The following ERC1 variants were observed in gnomAD, a reference collection of about 807,000 sequenced individuals.
The protein encoded by ERC1 is ELKS/RAB6-interacting/CAST family member 1, also known as RAB6 interacting protein 2.
ERC1 carries 56 observed loss-of-function variants against 132.0 expected under a neutral mutation model. The observed-to-expected ratio is 0.42, with a 90% CI of 0.34 to 0.53. The LOEUF is 0.53. ERC1 is among the 20% of genes least tolerant of loss of function. ERC1 has a pLI of 0.03. For missense variants in ERC1, 1,202 were observed against 1,349.9 expected (o/e 0.89, Z 1.72); for synonymous variants, 478 against 476.1 (o/e 1.00, Z -0.05).
chr12:1,466,994 A>C (rs2093755999), intron 18 of ERC1, among the ~76,000 whole-genome samples: 2 of 152,220 alleles, frequency 1.3e-5, no homozygotes, highest in South Asian at 4.1e-4. Context: ...CTTTAATTTT[A>C]ACACTAAAGA....
chr12:1,414,276 C>T (rs1404232246), intron 17 of ERC1, among the ~76,000 whole-genome samples: 3 of 152,170 alleles, frequency 2.0e-5, no homozygotes, highest in African/African-American at 4.8e-5. Context: ...AGGATCCCAG[C>T]GTGGTCAGAT....
intron 13 of ERC1, among the ~76,000 whole-genome samples, chr12:1,246,892 C>T (rs1471658163): frequency 6.6e-6 from 1 of 152,168 alleles, no homozygotes; most frequent in Non-Finnish European, 1.5e-5. Flanking sequence ...AAAGACTGAG[C>T]AGTTACAGAT....
chr12:994,975 A>C (rs1013125296), intron 1 of ERC1, among the ~76,000 whole-genome samples: 4 of 152,106 alleles, frequency 2.6e-5, no homozygotes, highest in African/African-American at 9.7e-5. Flanking sequence ...GCGTGCCTGG[A>C]ATCCTGGCTA....
intron 2 of ERC1, among the ~76,000 whole-genome samples, chr12:1,074,938 CT>C (rs1244577979): frequency 1.3e-5 from 2 of 151,672 alleles, no homozygotes; most frequent in Non-Finnish European, 2.9e-5. Context: ...TAGTGCGGGT[CT>C]TTTTTGCATT....
intron 17 of ERC1, among the ~76,000 whole-genome samples, chr12:1,429,579 C>G (rs1407629916): frequency 6.6e-6 from 1 of 152,172 alleles, no homozygotes; most frequent in Non-Finnish European, 1.5e-5. Flanking sequence ...ATGTGCCTAA[C>G]ACTGCATTAG....
At chr12:1,094,906 G>A (rs555690476) in intron 3 of ERC1, among the ~76,000 whole-genome samples, 1 of 151,954 alleles carries the variant, frequency 6.6e-6, no homozygotes. Flanking sequence ...TTCTGTCTCC[G>A]CTGTGTTGTC....
chr12:1,476,649 G>C (rs1487084482), intron 18 of ERC1, among the ~76,000 whole-genome samples: 8 of 152,168 alleles, frequency 5.3e-5, no homozygotes, highest in African/African-American at 1.9e-4. Flanking sequence ...TGTTCAGAGA[G>C]TGGGAAAATG....
intron 7 of ERC1, among the ~76,000 whole-genome samples, chr12:1,130,669 C>G (rs1258785707): frequency 6.7e-6 from 1 of 148,212 alleles, no homozygotes. Flanking sequence ...TGGAATGACT[C>G]ATTTCTACCT....
intron 12 of ERC1, among the ~76,000 whole-genome samples, chr12:1,229,741 T>C (rs2074879131): frequency 2.6e-5 from 4 of 152,142 alleles, no homozygotes; most frequent in Admixed American, 2.6e-4. Flanking sequence ...TGATTATCTT[T>C]TGACAAACAA....
intron 15 of ERC1, among the ~76,000 whole-genome samples, chr12:1,366,797 A>T (rs2086701482): frequency 1.3e-5 from 2 of 152,172 alleles, no homozygotes; most frequent in African/African-American, 4.8e-5. Context: ...GGATCCAGGA[A>T]TATGATGGCT....
At chr12:1,028,662 C>A in intron 2 of ERC1, 90 bp downstream of exon 2, 1 of 1,028,052 alleles carries the variant, frequency 9.7e-7, no homozygotes, top group South Asian at 1.7e-5. Flanking sequence ...TTTTTCCCTT[C>A]GTAGTATATG....
intron 2 of ERC1, among the ~76,000 whole-genome samples, chr12:1,074,323 T>C (rs1264060614): frequency 6.6e-6 from 1 of 151,972 alleles, no homozygotes. Flanking sequence ...TTCTTTTTTT[T>C]CCGAGACAGA....
intron 15 of ERC1, among the ~76,000 whole-genome samples, chr12:1,362,416 G>A (rs922942593): frequency 5.9e-5 from 9 of 151,846 alleles, no homozygotes; most frequent in Admixed American, 1.3e-4. Context: ...GATAAGAACC[G>A]TTGATCTTCA....
intron 15 of ERC1, among the ~76,000 whole-genome samples, chr12:1,366,203 G>T (rs2086649932): frequency 6.6e-6 from 1 of 152,100 alleles, no homozygotes. Flanking sequence ...TTTTATGTGT[G>T]TTTTATCACA....
At chr12:1,234,870 T>G (rs1408736046) in intron 12 of ERC1, among the ~76,000 whole-genome samples, 3 of 152,180 alleles carry the variant, frequency 2.0e-5, no homozygotes, top group Non-Finnish European at 4.4e-5. Context: ...TATTATTATG[T>G]TATACCAAAC....
At chr12:1,138,964 C>T (rs1051879584) in intron 7 of ERC1, among the ~76,000 whole-genome samples, 3 of 152,132 alleles carry the variant, frequency 2.0e-5, no homozygotes, top group Admixed American at 2.0e-4. Context: ...GCCCAGTTTC[C>T]CACATTGCCG....
intron 15 of ERC1, among the ~76,000 whole-genome samples, chr12:1,297,046 A>G (rs1163773576): frequency 6.6e-6 from 1 of 152,134 alleles, no homozygotes; most frequent in Admixed American, 6.5e-5. Context: ...ACAACTAGAA[A>G]TACCATAGTC....
intron 15 of ERC1, among the ~76,000 whole-genome samples, chr12:1,309,956 G>T (rs1392876147): frequency 4.0e-5 from 6 of 149,134 alleles, no homozygotes; most frequent in East Asian, 2.0e-4. Flanking sequence ...GTTTTGTTTT[G>T]TTTTGTTTTG....
intron 7 of ERC1, among the ~76,000 whole-genome samples, chr12:1,137,095 C>G (rs1249363481): frequency 1.5e-5 from 2 of 134,764 alleles, no homozygotes; most frequent in East Asian, 4.2e-4. Flanking sequence ...TTCTTTTTTT[C>G]TTTTCTTTTT....
Sources: allele counts gnomAD v4.1 joint callset (sites outside exome capture counted in the v4.1 genomes callset), GRCh38; gene constraint gnomAD v4.1.1; transcripts MANE v1.5; gene names NCBI Gene and HGNC (gene_info 2026-07-23, HGNC 2026-07-21).